EPCAM: variants seen among roughly 807,000 people sequenced by gnomAD.
EPCAM encodes the protein adenocarcinoma-associated antigen.
In EPCAM, 39 loss-of-function variants were observed where a neutral mutation model predicts 40.0. The observed-to-expected ratio is 0.98, with a 90% CI of 0.76 to 1.27. EPCAM has a LOEUF of 1.27. Ranked by LOEUF, EPCAM falls within the 50% of genes most tolerant of loss-of-function variation. The pLI, the probability that EPCAM is intolerant of heterozygous loss-of-function variation, is 0.00. For synonymous variants in EPCAM, 168 were observed against 132.3 expected (o/e 1.27, Z -1.85); for missense variants, 503 against 381.2 (o/e 1.32, Z -2.66).
intron 2 of EPCAM, 77 bp from the exon 3 acceptor site, chr2:47,373,731 C>G (rs1465457612): frequency 1.3e-6 from 2 of 1,589,040 alleles, no homozygotes; most frequent in South Asian, 2.2e-5. Flanking sequence ...GACCCTGGAA[C>G]TTTAGAGTTA....
At chr2:47,376,019 A>G (rs1671413312) in intron 4 of EPCAM, among the ~76,000 whole-genome samples, 1 of 151,956 alleles carries the variant, frequency 6.6e-6, no homozygotes, top group Non-Finnish European at 1.5e-5. Flanking sequence ...ATTTAACGTT[A>G]TATCACGTTG....
At chr2:47,371,534 A>G (rs143959020) in intron 1 of EPCAM, among the ~76,000 whole-genome samples, 2 of 152,348 alleles carry the variant, frequency 1.3e-5, no homozygotes, top group Non-Finnish European at 2.9e-5. Context: ...TTCAGTAATT[A>G]TACTCTCAAA....
chr2:47,369,511 G>GC lies in EPCAM; in HGVS notation c.11dup (p.Gln5AlafsTer26). 6.4e-7 allele frequency: 1 copy of GC among 1,553,904 alleles called. No homozygotes were observed. Among genetic ancestry groups the GC allele is most frequent in the Non-Finnish European group, 8.6e-7 (1 of 1,156,180 alleles). The stretch of plus-strand genomic sequence containing the variant: ...CTTCTCGGCGCGCGCGCAGCATGGC[G>GC]CCCCCGCAGGTCCTCGCGTTCGGGC... On this transcript the variant is annotated frameshift_variant, in exon 1 of 9. Coordinates refer to ENST00000263735, the MANE Select transcript of EPCAM (RefSeq NM_002354.3). LOFTEE classifies it high-confidence loss of function.
rs1671154352 is a variant in EPCAM, at chr2:47,369,413, T to C, written c.-93T>C. On this transcript the variant is annotated 5_prime_UTR_variant, in exon 1 of 9. Transcript: ENST00000263735. ...GACCCGCGTGCCCCAGGCCTCGCGC[T>C]GCCCGGCCGGCTCCTCGTGTCCCAC... The C allele has an allele frequency of 5.5e-6, 7 of 1,266,514 alleles. No homozygotes were observed. Among genetic ancestry groups the C allele is most frequent in the Non-Finnish European group, 7.2e-6 (7 of 978,820 alleles). The allele number at this position is 1,266,514 out of a possible 1,614,324, so 78.5% of individuals were successfully genotyped here.
At chr2:47,376,376 C>G (rs991150364) in intron 4 of EPCAM, among the ~76,000 whole-genome samples, 7 of 151,832 alleles carry the variant, frequency 4.6e-5, no homozygotes, top group Non-Finnish European at 1.0e-4. Flanking sequence ...CCTGCCTCAG[C>G]CTCCTGAGTA....
chr2:47,380,041 G>C (rs757006487), intron 7 of EPCAM, 72 bp downstream of exon 7: 129 of 1,548,792 alleles, frequency 8.3e-5, no homozygotes, highest in Non-Finnish European at 1.1e-4. Context: ...GGCTGGGCGC[G>C]GTGGCTCACC....
rs1170920409 is a variant in EPCAM, at chr2:47,377,079, T to G, written c.555+2T>G. On this transcript the variant is annotated splice_donor_variant, in intron 5 of 8. Coordinates refer to ENST00000263735, the MANE Select transcript of EPCAM (RefSeq NM_002354.3). LOFTEE classifies it high-confidence loss of function. Reference sequence around the variant, plus strand: ...CCAAAATTTATCACGAGTATTTTGGTATGATTTTTTAATAAGTGAGCTTTA... The same window carrying G: ...CCAAAATTTATCACGAGTATTTTGGGATGATTTTTTAATAAGTGAGCTTTA... 1.3e-6 allele frequency: 2 copies of G among 1,590,298 alleles called. No homozygotes were observed. Among genetic ancestry groups the G allele is most frequent in the African/African-American group, 1.3e-5 (1 of 74,454 alleles).
chr2:47,372,068 A>G (rs886112439), intron 1 of EPCAM, among the ~76,000 whole-genome samples: 2 of 152,236 alleles, frequency 1.3e-5, no homozygotes, highest in Non-Finnish European at 2.9e-5. Context: ...GGACAAAACT[A>G]TTAAACTGAC....
chr2:47,378,662 T>C (rs548114848), intron 5 of EPCAM, among the ~76,000 whole-genome samples: 71 of 152,280 alleles, frequency 4.7e-4, no homozygotes, highest in African/African-American at 1.6e-3. Context: ...TAAAATACTT[T>C]CATATCTTAT....
At chr2:47,375,815 C>G (rs1396775976) in intron 4 of EPCAM, among the ~76,000 whole-genome samples, 2 of 151,762 alleles carry the variant, frequency 1.3e-5, no homozygotes, top group Non-Finnish European at 2.9e-5. Context: ...AAGCGATTCT[C>G]CTGCCTCAGC....
chr2:47,371,748 A>T (rs1242444965), intron 1 of EPCAM, among the ~76,000 whole-genome samples: 1 of 152,174 alleles, frequency 6.6e-6, no homozygotes, highest in Non-Finnish European at 1.5e-5. Flanking sequence ...AGAAGATTTA[A>T]ACGCTTGAGA....
At position 47,386,843 on chromosome 2, in the gene EPCAM, G is replaced by C. The variant is rs1470297073; in HGVS notation, c.*230G>C. 2 of 390,824 alleles carry C rather than the reference G, an allele frequency of 5.1e-6. No homozygotes were observed. Among genetic ancestry groups the C allele is most frequent in the African/African-American group, 4.1e-5 (2 of 49,234 alleles). 24.2% of individuals were successfully genotyped at this position (390,824 alleles called of 1,614,324 possible). The stretch of plus-strand genomic sequence containing the variant: ...ATATGCAGATCTAATGTAAAATCCA[G>C]AACTTGGACTCCATCGTTAAAATTA... On this transcript the variant is annotated 3_prime_UTR_variant, in exon 9 of 9. Coordinates refer to ENST00000263735, the MANE Select transcript of EPCAM (RefSeq NM_002354.3).
In EPCAM at chr2:47,370,589, A is replaced by T. The variant is rs532532604; in HGVS notation, c.76+1008A>T. Among the ~76,000 whole-genome samples, 53 of 138,908 alleles carry T rather than the reference A, an allele frequency of 3.8e-4. 4 individuals carry two copies. The South Asian group carries it at 0.011, about 29-fold the overall frequency. 91.1% of individuals were successfully genotyped at this position (138,908 alleles called of 152,430 possible). On this transcript the variant is annotated intron_variant, in intron 1 of 8. Coordinates refer to ENST00000263735, the MANE Select transcript of EPCAM (RefSeq NM_002354.3). ...CGTGCCCGGCCTATTTTATTTTTTT[A>T]TTTGAAACAGCCTTGTTCTGTCACC... is the stretch of plus-strand genomic sequence containing the variant.
intron 5 of EPCAM, among the ~76,000 whole-genome samples, chr2:47,378,037 C>T (rs559955708): frequency 2.4e-4 from 37 of 152,110 alleles, no homozygotes; most frequent in African/African-American, 8.2e-4. Flanking sequence ...TCGAGACCAT[C>T]GTGGCTAACA....
In EPCAM at chr2:47,386,878, A is replaced by T. The variant is rs11554292; in HGVS notation, c.*265A>T. 8.1e-3 allele frequency: 2,814 copies of T among 347,706 alleles called. 70 individuals carry two copies. The highest frequency in any genetic ancestry group is 0.052 in the African/African-American group (2,547 of 48,712). The allele number at this position is 347,706 out of a possible 1,614,324, so 21.5% of individuals were successfully genotyped here. A position where few individuals can be genotyped will look rare whatever the true frequency, so the allele number is the denominator to read the frequency against. Reference sequence around the variant, plus strand: ...TCCATCGTTAAAATTATTTATGTGTAACATTCAAATGTGTGCATTAAATAT... The same window carrying T: ...TCCATCGTTAAAATTATTTATGTGTTACATTCAAATGTGTGCATTAAATAT... On this transcript the variant is annotated 3_prime_UTR_variant, in exon 9 of 9. Transcript: ENST00000263735.
chr2:47,369,923 C>A (rs1471870829), intron 1 of EPCAM: 3 of 420,670 alleles, frequency 7.1e-6, no homozygotes, highest in African/African-American at 4.1e-5. Context: ...CCCACGTCCT[C>A]GGTTCGGGGT....
chr2:47,385,322 G>A (rs868264550), intron 8 of EPCAM, 112 bp downstream of exon 8: 17 of 879,230 alleles, frequency 1.9e-5, no homozygotes, highest in South Asian at 1.9e-4. Flanking sequence ...CCTTTATACT[G>A]TTGTCTTTAG....
intron 7 of EPCAM, among the ~76,000 whole-genome samples, chr2:47,380,501 C>T (rs962563537): frequency 1.3e-5 from 2 of 152,150 alleles, no homozygotes; most frequent in Admixed American, 1.3e-4. Context: ...TGTGGCTGTG[C>T]ACCTCACAGG....
chr2:47,369,404 G>T lies in EPCAM; in HGVS notation c.-102G>T. The T allele has an allele frequency of 8.1e-7, 1 of 1,231,248 alleles. No homozygotes were observed. The highest frequency in any genetic ancestry group is 1.1e-6 in the Non-Finnish European group (1 of 947,012). 76.3% of individuals were successfully genotyped at this position (1,231,248 alleles called of 1,614,324 possible). ...CCCGACGCGGACCCGCGTGCCCCAG[G>T]CCTCGCGCTGCCCGGCCGGCTCCTC... On this transcript the variant is annotated 5_prime_UTR_variant, in exon 1 of 9. Coordinates refer to ENST00000263735, the MANE Select transcript of EPCAM (RefSeq NM_002354.3).
Sources: gnomAD v4.1 joint callset for allele counts (sites outside exome capture counted in the v4.1 genomes callset) on GRCh38, gnomAD v4.1.1 for gene constraint, MANE v1.5 for transcripts, NCBI Gene and HGNC (gene_info 2026-07-23, HGNC 2026-07-21) for gene names.